CPAMD8: variants seen among roughly 807,000 people sequenced by gnomAD.
CPAMD8 encodes C3 and PZP like alpha-2-macroglobulin domain containing 8, also known as C3 and PZP-like alpha-2-macroglobulin domain-containing protein 8.
Under a neutral mutation model 224.7 loss-of-function variants are expected in CPAMD8, and 146 were observed. That is an observed-to-expected ratio of 0.65 (90% CI 0.57 to 0.75). The LOEUF (loss-of-function observed/expected upper bound fraction) is 0.75, where lower values mean the gene tolerates loss of function less well. CPAMD8 is among the 30% of genes least tolerant of loss of function. The probability of loss-of-function intolerance (pLI) is 0.00; values close to 1 mark genes in which losing one functional copy is unlikely to be tolerated. For missense variants in CPAMD8, 2,301 were observed against 2,537.5 expected, an observed-to-expected ratio of 0.91 and a Z score of 2.00; for synonymous variants, 966 against 1,044.6, an observed-to-expected ratio of 0.92 and a Z score of 1.45.
At position 16,899,463 on chromosome 19, in the gene CPAMD8, G is replaced by A. The variant is rs763473427; in HGVS notation, c.4848+12C>T. 11 of 1,393,592 alleles carry A rather than the reference G, an allele frequency of 7.9e-6. No individual in the cohort carries two copies. The African/African-American group carries it at 8.5e-5, about 11-fold the overall frequency. 86.3% of individuals were successfully genotyped at this position (1,393,592 alleles called of 1,614,324 possible). A position where few individuals can be genotyped will look rare whatever the true frequency, so the allele number is the denominator to read the frequency against. ...CAGGGAAGCCTCCTCCACCAACCCC[G>A]GCTGGTGGTACCTCATCAAAGTAGA... On this transcript the variant is annotated intron_variant, in intron 37 of 41. Transcript: ENST00000443236. This position sits in a 1 kb window ranked among gnomAD's most constrained non-coding sequence, Gnocchi z 5.4.
In CPAMD8 at chr19:16,903,609, G is replaced by A. The variant is rs2052348666; in HGVS notation, c.4422C>T (p.Pro1474=). The change falls in exon 34 of 42, where the codon CCC becomes CCT. Residue 1474 remains proline (P), a synonymous_variant. Transcript: ENST00000443236. ...CCTTGGCACTCACAAACAGCCCCGT[G>A]GGGAGGCTGGGGATCTGGAGACAGA... ...VLQTAAIPSL[P]TGLFVSAKGD... 7 of 1,614,090 alleles carry A rather than the reference G, an allele frequency of 4.3e-6. No homozygotes were observed. The highest frequency in any genetic ancestry group is 5.1e-6 in the Non-Finnish European group (6 of 1,180,020).
chr19:16,946,268 G>A (rs796154405), intron 21 of CPAMD8, among the ~76,000 whole-genome samples: 19 of 152,004 alleles, frequency 1.2e-4, no homozygotes, highest in African/African-American at 4.6e-4. Flanking sequence ...GGGCATGTGT[G>A]TGTGTGGATT....
rs1388780216 is a variant in CPAMD8, at chr19:17,011,512, G to A, written c.438C>T (p.Leu146=). ...TTGGAGAGACGGTGAAGATGCTTAT[G>A]AGCACTAGAAGAAAGAAGAGAGGCG... The part of the protein sequence containing the change: ...KPVYRPQHRV[L]ISIFTVSPNL... The change falls in exon 5 of 42, where the codon CTC becomes CTT. Residue 146 remains leucine (L), a synonymous_variant. Transcript: ENST00000443236. 3 of 1,614,054 alleles carry A rather than the reference G, an allele frequency of 1.9e-6. No homozygotes were observed. In the Admixed American group the frequency reaches 5.0e-5, roughly 27 times the overall value.
intron 39 of CPAMD8, 173 bp from the exon 40 acceptor site, chr19:16,896,838 G>C: frequency 2.3e-6 from 1 of 427,742 alleles, no homozygotes; most frequent in Non-Finnish European, 4.1e-6. Context: ...GGAATTTCAC[G>C]CAGGTATTTG....
chr19:16,992,525 C>T (rs962575025), intron 12 of CPAMD8, among the ~76,000 whole-genome samples: 5 of 152,116 alleles, frequency 3.3e-5, no homozygotes, highest in East Asian at 1.9e-4. Flanking sequence ...AATCTTGGCT[C>T]GCTGCGACTT....
intron 3 of CPAMD8, among the ~76,000 whole-genome samples, chr19:17,015,538 C>T (rs903390177): frequency 6.6e-6 from 1 of 152,176 alleles, no homozygotes; most frequent in Non-Finnish European, 1.5e-5. Flanking sequence ...TCTGAACAGC[C>T]TCAGAGGGAC....
chr19:16,897,481 C>T, intron 39 of CPAMD8: 1 of 564,356 alleles, frequency 1.8e-6, no homozygotes, highest in South Asian at 2.2e-5. Context: ...CTTACCACTC[C>T]CCCAGCCACG....
At position 16,893,053 on chromosome 19, in the gene CPAMD8, T is replaced by A. The variant is rs1045634977; in HGVS notation, c.*55A>T. ...CACAGGCACAAGCTGGGTGTGTGGG[T>A]ATGAATGGTCCCCAGGACCAAACTG... On this transcript the variant is annotated 3_prime_UTR_variant, in exon 42 of 42. Coordinates refer to ENST00000443236, the MANE Select transcript of CPAMD8 (RefSeq NM_015692.5). 3.4e-5 allele frequency: 28 copies of A among 816,798 alleles called. No individual in the cohort carries two copies. In the African/African-American group the frequency reaches 4.5e-4, roughly 13 times the overall value. The allele number at this position is 816,798 out of a possible 1,614,324, so 50.6% of individuals were successfully genotyped here. A position where few individuals can be genotyped will look rare whatever the true frequency, so the allele number is the denominator to read the frequency against.
intron 3 of CPAMD8, among the ~76,000 whole-genome samples, chr19:17,019,978 T>C (rs1289337157): frequency 1.4e-5 from 2 of 147,876 alleles, no homozygotes; most frequent in African/African-American, 5.0e-5. Flanking sequence ...TTTCTTTTTT[T>C]TTTTTTTTTT....
chr19:16,950,820 AAG>A (rs1015248096), intron 20 of CPAMD8, among the ~76,000 whole-genome samples: 1 of 150,530 alleles, frequency 6.6e-6, no homozygotes, highest in African/African-American at 2.5e-5. Flanking sequence ...AAAAAAGAGA[AAG>A]AGAGAGAAAG....
chr19:16,974,649 T>G (rs2055191035), intron 17 of CPAMD8, among the ~76,000 whole-genome samples: 1 of 151,966 alleles, frequency 6.6e-6, no homozygotes, highest in Non-Finnish European at 1.5e-5. Flanking sequence ...ACTTGTGAGC[T>G]TTCACTGGGG....
chr19:16,987,419 A>C (rs1290636157), intron 13 of CPAMD8, among the ~76,000 whole-genome samples: 1 of 151,658 alleles, frequency 6.6e-6, no homozygotes, highest in Non-Finnish European at 1.5e-5. Flanking sequence ...TGAAGATGAC[A>C]AGGAAGAAGA....
chr19:16,912,222 T>C (rs1215904129), intron 29 of CPAMD8, among the ~76,000 whole-genome samples: 2 of 152,186 alleles, frequency 1.3e-5, no homozygotes, highest in Non-Finnish European at 2.9e-5. Context: ...CATGGAACAA[T>C]TGTCTTCCAC....
rs2054310695 is a variant in CPAMD8, at chr19:16,951,973, G to A, written c.2504C>T (p.Ala835Val). The A allele has an allele frequency of 6.4e-7, 1 of 1,559,524 alleles. No individual in the cohort carries two copies. The highest frequency in any genetic ancestry group is 2.3e-5 in the East Asian group (1 of 42,884). Residue 835 changes from alanine to valine, a missense_variant, in exon 20 of 42, where the codon GCT becomes GTT. Coordinates refer to ENST00000443236, the MANE Select transcript of CPAMD8 (RefSeq NM_015692.5). ...TGTATTTGGGGGGCTGAGTACCTCAGCGCAGGTGCCCATGTAGTTGTAGAC... is the reference window on the plus strand; with the variant it reads ...TGTATTTGGGGGGCTGAGTACCTCAACGCAGGTGCCCATGTAGTTGTAGAC... The part of the protein sequence containing the change: ...LSVYNYMGTC[A>V]EVYMKLSVPK...
At chr19:16,996,727 G>A (rs531311443) in intron 11 of CPAMD8, among the ~76,000 whole-genome samples, 44 of 151,508 alleles carry the variant, frequency 2.9e-4, no homozygotes, top group Admixed American at 2.4e-3. Context: ...GCTGAGGCAG[G>A]AGAATCACTT....
At position 16,977,204 on chromosome 19, in the gene CPAMD8, T is replaced by C. The variant is rs16981525; in HGVS notation, c.1758+164A>G. ...TGAATGCAATCTCCTTTTGTGTGAC[T>C]TTTGGAGATGCTTCAGTAAAGATGC... On this transcript the variant is annotated intron_variant, in intron 15 of 41. Coordinates refer to ENST00000443236, the MANE Select transcript of CPAMD8 (RefSeq NM_015692.5). Among the ~76,000 whole-genome samples the C allele has an allele frequency of 0.075, 11,397 of 152,140 alleles. 706 individuals carry two copies. Among genetic ancestry groups the C allele is most frequent in the African/African-American group, 0.16 (6,715 of 41,464 alleles).
In CPAMD8 at chr19:16,975,236, T is replaced by C. The variant is rs577698406; in HGVS notation, c.1931A>G (p.Tyr644Cys). Reference protein sequence around the residue: ...PAQVFQELEDYDVSDSFGVSR... With the variant: ...PAQVFQELEDCDVSDSFGVSR... ...CACGCCAAAGGAATCAGAAACATCA[T>C]AATCTTCCAGTTCCTGGAAAACCTG... The change falls in exon 17 of 42, where the codon TAT becomes TGT. Residue 644 changes from tyrosine to cysteine, a missense_variant. Tyr to Cys is a radical substitution (Grantham distance 194). This residue lies in a region of CPAMD8 where 1,709 missense variants were observed against 1,753.2 expected (regional missense o/e 0.97). Coordinates refer to ENST00000443236, the MANE Select transcript of CPAMD8 (RefSeq NM_015692.5). 2.2e-5 allele frequency: 36 copies of C among 1,606,938 alleles called. No homozygotes were observed. The East Asian group carries it at 4.7e-4, about 21-fold the overall frequency.
intron 3 of CPAMD8, among the ~76,000 whole-genome samples, chr19:17,016,174 C>G (rs2056807181): frequency 6.6e-6 from 1 of 152,106 alleles, no homozygotes; most frequent in African/African-American, 2.4e-5. Context: ...AGGCTGGTCT[C>G]CAACTCCTGG....
At position 16,940,924 on chromosome 19, in the gene CPAMD8, C is replaced by T. The variant is rs560737736; in HGVS notation, c.2794-2478G>A. Among the ~76,000 whole-genome samples, 72 of 152,156 alleles carry T rather than the reference C, an allele frequency of 4.7e-4. 2 individuals are homozygous for T. The highest frequency in any genetic ancestry group is 2.1e-4 in the South Asian group (1 of 4,812). On this transcript the variant is annotated intron_variant, in intron 22 of 41. Coordinates refer to ENST00000443236, the MANE Select transcript of CPAMD8 (RefSeq NM_015692.5). ...GGCAGGGCTAGGCCATTGTAACCCA[C>T]GGTAGTTTTTTGTTTTTTGTTTTTG...
Sources: gnomAD v4.1 joint callset for allele counts (sites outside exome capture counted in the v4.1 genomes callset) on GRCh38, gnomAD v4.1.1 for gene constraint, gnomAD v4.1.1 regional missense constraint, Gnocchi (gnomAD v3.1) non-coding constraint, MANE v1.5 for transcripts, NCBI Gene and HGNC (gene_info 2026-07-23, HGNC 2026-07-21) for gene names.